The following SAP30BP variants were observed in gnomAD, a reference collection of about 807,000 sequenced individuals.
The protein encoded by SAP30BP is SAP30 binding protein.
Under a neutral mutation model 46.3 loss-of-function variants are expected in SAP30BP, and 31 were observed. The ratio of observed to expected loss-of-function variants is 0.67; its 90% CI spans 0.50 to 0.90. The LOEUF (loss-of-function observed/expected upper bound fraction) is 0.90, where lower values mean the gene tolerates loss of function less well. Ranked by LOEUF, SAP30BP falls within the 40% of genes least tolerant of loss-of-function variation. The pLI, the probability that SAP30BP is intolerant of heterozygous loss-of-function variation, is 0.00. For synonymous variants in SAP30BP, 169 were observed against 144.2 expected (o/e 1.17, Z -1.23); for missense variants, 312 against 391.0 (o/e 0.80, Z 1.70).
In SAP30BP at chr17:75,667,417, G is replaced by T; in HGVS notation, c.45G>T (p.Ala15=). Residue 15 remains alanine (A), a synonymous_variant, in exon 1 of 11, where the codon GCG becomes GCT. Coordinates refer to ENST00000584667, the MANE Select transcript of SAP30BP (RefSeq NM_013260.8). ...KNVLSSLAVY[A]EDSEPESDGE... Reference sequence around the variant, plus strand: ...TTCTGTCGTCTCTCGCAGTTTACGCGGAAGATTCAGAGCCCGAGTCTGATG... The same window carrying T: ...TTCTGTCGTCTCTCGCAGTTTACGCTGAAGATTCAGAGCCCGAGTCTGATG... 1 of 1,614,216 alleles carries T rather than the reference G, an allele frequency of 6.2e-7. No individual in the cohort carries two copies. The highest frequency in any genetic ancestry group is 8.5e-7 in the Non-Finnish European group (1 of 1,180,040).
At chr17:75,688,063 G>A (rs1363529201) in intron 3 of SAP30BP, among the ~76,000 whole-genome samples, 1 of 152,036 alleles carries the variant, frequency 6.6e-6, no homozygotes, top group Non-Finnish European at 1.5e-5. Flanking sequence ...TGTCTTCATC[G>A]GCCAGGTGAG....
intron 3 of SAP30BP, among the ~76,000 whole-genome samples, chr17:75,674,704 T>TTTTTTG (rs1568300397): frequency 3.7e-4 from 11 of 29,360 alleles, no homozygotes; most frequent in Non-Finnish European, 7.6e-4. Flanking sequence ...TTTGTTTTTT[T>TTTTTTG]TTTTTTTTTT....
At chr17:75,676,861 C>T (rs565455392) in intron 3 of SAP30BP, among the ~76,000 whole-genome samples, 2 of 152,236 alleles carry the variant, frequency 1.3e-5, no homozygotes, top group South Asian at 4.2e-4. Flanking sequence ...AGGAAAAAGA[C>T]ATAGTATGTA....
At chr17:75,687,663 T>A (rs1222521943) in intron 3 of SAP30BP, among the ~76,000 whole-genome samples, 2 of 151,250 alleles carry the variant, frequency 1.3e-5, no homozygotes, top group Non-Finnish European at 3.0e-5. Flanking sequence ...AACAAAGAAT[T>A]GGGTTTGAAA....
In SAP30BP at chr17:75,667,388, A is replaced by C. The variant is rs754556286; in HGVS notation, c.16A>C (p.Asn6His). 1.2e-6 allele frequency: 2 copies of C among 1,614,162 alleles called. No individual in the cohort carries two copies. The highest frequency in any genetic ancestry group is 1.3e-5 in the African/African-American group (1 of 75,016). MAGKK[N>H]VLSSLAVYAE... is the part of the protein sequence containing the mutation. ...TGGGAATAAGATGGCGGGGAAGAAG[A>C]ATGTTCTGTCGTCTCTCGCAGTTTA... Residue 6 changes from asparagine (N) to histidine (H), a missense_variant, in exon 1 of 11, where the codon AAT (asparagine) becomes CAT (histidine). This residue lies in a region of SAP30BP where 296 missense variants were observed against 346.6 expected (regional missense o/e 0.85). Coordinates refer to ENST00000584667, the MANE Select transcript of SAP30BP (RefSeq NM_013260.8).
At chr17:75,700,608 G>A (rs1020971177) in intron 5 of SAP30BP, among the ~76,000 whole-genome samples, 9 of 152,200 alleles carry the variant, frequency 5.9e-5, no homozygotes, top group Admixed American at 5.9e-4. Flanking sequence ...TGACTAATGG[G>A]ACCTGAGGCT....
At chr17:75,674,767 TCATAACTTACTGCAGC>T (rs2059965159) in intron 3 of SAP30BP, among the ~76,000 whole-genome samples, 1 of 131,084 alleles carries the variant, frequency 7.6e-6, no homozygotes, top group Non-Finnish European at 1.6e-5. Flanking sequence ...AGTGGTGCCA[TCATAACTTACTGCAGC>T]CACAACCTCC....
At chr17:75,702,451 C>T (rs374511898) in intron 5 of SAP30BP, 29 bp from the exon 6 acceptor site, 11 of 1,058,782 alleles carry the variant, frequency 1.0e-5, no homozygotes, top group Non-Finnish European at 1.4e-5. Flanking sequence ...TGTCATACAC[C>T]CCCCCACCCC....
rs1447160011 is a variant in SAP30BP at position 75,707,442 on chromosome 17, T to A, written c.*921T>A. ...GAAACGGGTTTCCCAGACCAGGGGT[T>A]CAGAGGAGACTATTTACCCTTCATG... On this transcript the variant is annotated 3_prime_UTR_variant, in exon 11 of 11. Coordinates refer to ENST00000584667, the MANE Select transcript of SAP30BP (RefSeq NM_013260.8). 2.6e-5 allele frequency: 4 copies of A among 152,714 alleles called. No individual in the cohort carries two copies. Among genetic ancestry groups the A allele is most frequent in the Admixed American group, 2.6e-4 (4 of 15,284 alleles). 9.5% of individuals were successfully genotyped at this position (152,714 alleles called of 1,614,324 possible). A position where few individuals can be genotyped will look rare whatever the true frequency, so the allele number is the denominator to read the frequency against.
intron 4 of SAP30BP, among the ~76,000 whole-genome samples, chr17:75,698,514 G>A (rs1172727735): frequency 2.6e-5 from 4 of 151,524 alleles, no homozygotes; most frequent in Non-Finnish European, 4.4e-5. Context: ...ATGCAGTGGT[G>A]GCTGGAGCTG....
intron 3 of SAP30BP, among the ~76,000 whole-genome samples, chr17:75,678,955 T>C (rs925525947): frequency 1.3e-5 from 2 of 151,650 alleles, no homozygotes; most frequent in African/African-American, 4.8e-5. Flanking sequence ...TTTCATAAGG[T>C]AGTGAGCTCC....
intron 4 of SAP30BP, among the ~76,000 whole-genome samples, chr17:75,698,605 G>T (rs1374618663): frequency 6.8e-6 from 1 of 146,650 alleles, no homozygotes; most frequent in African/African-American, 2.5e-5. Context: ...ACAGACATAT[G>T]CAGTGGTGGC....
intron 3 of SAP30BP, chr17:75,684,419 CT>C (rs2060127830): frequency 6.6e-6 from 1 of 152,192 alleles, no homozygotes; most frequent in African/African-American, 2.4e-5. Context: ...ACCCTGTAAT[CT>C]TTTGAGTGCT....
chr17:75,699,339 A>G (rs1195478083), intron 4 of SAP30BP, among the ~76,000 whole-genome samples: 1 of 152,142 alleles, frequency 6.6e-6, no homozygotes, highest in Non-Finnish European at 1.5e-5. Flanking sequence ...GTTTACAGGC[A>G]TGCATCACCA....
rs748773520 is a variant in SAP30BP, at chr17:75,667,405, C to T, written c.33C>T (p.Leu11=). The T allele has an allele frequency of 6.0e-5, 97 of 1,614,086 alleles. No individual in the cohort carries two copies. Among genetic ancestry groups the T allele is most frequent in the Non-Finnish European group, 7.9e-5 (93 of 1,180,050 alleles). Residue 11 remains leucine, a synonymous_variant, in exon 1 of 11, where the codon CTC becomes CTT. Coordinates refer to ENST00000584667, the MANE Select transcript of SAP30BP (RefSeq NM_013260.8). Reference sequence around the variant, plus strand: ...GGAAGAAGAATGTTCTGTCGTCTCTCGCAGTTTACGCGGAAGATTCAGAGC... The same window carrying T: ...GGAAGAAGAATGTTCTGTCGTCTCTTGCAGTTTACGCGGAAGATTCAGAGC... MAGKKNVLSS[L]AVYAEDSEPE... is the part of the protein sequence containing the mutation.
intron 3 of SAP30BP, among the ~76,000 whole-genome samples, chr17:75,687,142 T>C (rs2060168584): frequency 6.6e-6 from 1 of 152,244 alleles, no homozygotes; most frequent in South Asian, 2.1e-4. Context: ...TTGAAGAGCT[T>C]AGCATAATAC....
chr17:75,680,835 G>C lies in SAP30BP; in HGVS notation c.264+8972G>C, dbSNP rs372460737. Among the ~76,000 whole-genome samples the C allele has an allele frequency of 2.0e-5, 3 of 152,308 alleles. No individual in the cohort carries two copies. In the East Asian group the frequency reaches 5.8e-4, roughly 29 times the overall value. On this transcript the variant is annotated intron_variant, in intron 3 of 10. Coordinates refer to ENST00000584667, the MANE Select transcript of SAP30BP (RefSeq NM_013260.8). ...GAATTGCTTGAGCACAGGAGTTTGA[G>C]ACCAGCCTGGGCAACATGGTGAAAC...
rs2060515930 is a variant in SAP30BP at position 75,707,509 on chromosome 17, A to G, written c.*988A>G. ...CACTGGAGCGGAAGGGCTGTGTGTC[A>G]AAAGAAGGAAGCCAGGCTGTGAAGG... On this transcript the variant is annotated 3_prime_UTR_variant, in exon 11 of 11. Coordinates refer to ENST00000584667, the MANE Select transcript of SAP30BP (RefSeq NM_013260.8). 6.5e-6 allele frequency: 1 copy of G among 152,742 alleles called. No individual in the cohort carries two copies. The highest frequency in any genetic ancestry group is 1.5e-5 in the Non-Finnish European group (1 of 68,114). The allele number at this position is 152,742 out of a possible 1,614,324, so 9.5% of individuals were successfully genotyped here.
At chr17:75,691,803 C>T in intron 3 of SAP30BP, 3 of 263,474 alleles carry the variant, frequency 1.1e-5, no homozygotes, top group Non-Finnish European at 2.3e-5. Flanking sequence ...GAAAGCTGTT[C>T]TCTAGAGGGA....
Sources: gnomAD v4.1 joint callset for allele counts (sites outside exome capture counted in the v4.1 genomes callset) on GRCh38, gnomAD v4.1.1 for gene constraint, gnomAD v4.1.1 regional missense constraint, MANE v1.5 for transcripts, NCBI Gene and HGNC (gene_info 2026-07-23, HGNC 2026-07-21) for gene names.